Variants in ACADM observed in about 807,000 individuals in gnomAD.
The protein encoded by ACADM is acyl-CoA dehydrogenase medium chain.
ACADM carries 49 observed loss-of-function variants against 58.9 expected under a neutral mutation model. The ratio of observed to expected loss-of-function variants is 0.83; its 90% CI spans 0.66 to 1.06. The LOEUF (loss-of-function observed/expected upper bound fraction) is 1.06. Ranked by LOEUF, ACADM falls within the 50% of genes least tolerant of loss-of-function variation. ACADM has a pLI of 0.00. For missense variants in ACADM, 496 were observed against 507.0 expected, an observed-to-expected ratio of 0.98 and a Z score of 0.21; for synonymous variants, 160 against 157.7, an observed-to-expected ratio of 1.01 and a Z score of -0.11.
At chr1:75,725,651 C>G (rs780724827) in intron 1 of ACADM, among the ~76,000 whole-genome samples, 9 of 152,140 alleles carry the variant, frequency 5.9e-5, no homozygotes, top group African/African-American at 1.7e-4. Flanking sequence ...ATAAAACTGA[C>G]ACTCTTATAT....
intron 10 of ACADM, 82 bp from the exon 11 acceptor site, chr1:75,761,040 C>T: frequency 2.2e-6 from 3 of 1,376,214 alleles, no homozygotes; most frequent in Non-Finnish European, 2.0e-6. Context: ...GACCCCGTCA[C>T]TATAAAAATG....
intron 6 of ACADM, among the ~76,000 whole-genome samples, chr1:75,737,351 A>G (rs1288701032): frequency 1.4e-5 from 2 of 142,796 alleles, no homozygotes; most frequent in African/African-American, 2.6e-5. Context: ...AGAAAAGAAG[A>G]CAAAAACAAC....
chr1:75,725,528 A>G (rs1647038974), intron 1 of ACADM, among the ~76,000 whole-genome samples: 2 of 152,196 alleles, frequency 1.3e-5, no homozygotes, highest in Admixed American at 6.5e-5. Flanking sequence ...AAATTGGGAG[A>G]TTTCAGCTAT....
At chr1:75,744,482 C>G (rs1221792067) in intron 7 of ACADM, 1 of 1,534,158 alleles carries the variant, frequency 6.5e-7, no homozygotes, top group Admixed American at 1.7e-5. Flanking sequence ...ACTTCATCTT[C>G]TGCAACTGTG....
rs1463718964 is a variant in ACADM at position 75,732,906 on chromosome 1, CATT to C, written c.271_273del (p.Ile91del). ...GGGAACTTGGTTTAATGAACACACA[CATT>C]CCAGAGAACTGTGGTAAGCTTTCTT... On this transcript the variant is annotated inframe_deletion, in exon 4 of 12. Transcript: ENST00000370841. 2 of 1,613,860 alleles carry C rather than the reference CATT, an allele frequency of 1.2e-6. No homozygotes were observed. The highest frequency in any genetic ancestry group is 2.7e-5 in the African/African-American group (2 of 74,940).
chr1:75,760,119 A>G (rs915842631), intron 10 of ACADM, among the ~76,000 whole-genome samples: 8 of 151,434 alleles, frequency 5.3e-5, no homozygotes, highest in African/African-American at 1.9e-4. Flanking sequence ...CCTCATCTCT[A>G]TTTAAAAAGA....
At chr1:75,733,224 T>C in intron 4 of ACADM, 1 of 1,561,702 alleles carries the variant, frequency 6.4e-7, no homozygotes, top group Non-Finnish European at 8.7e-7. Flanking sequence ...TATTGAGTCT[T>C]TTTTGTGAAC....
intron 6 of ACADM, among the ~76,000 whole-genome samples, chr1:75,735,143 C>G (rs1647220734): frequency 6.6e-6 from 1 of 151,634 alleles, no homozygotes; most frequent in Non-Finnish European, 1.5e-5. Context: ...TGGTGAAACC[C>G]CATCTCTACT....
At chr1:75,729,314 A>T (rs1647107711) in intron 2 of ACADM, among the ~76,000 whole-genome samples, 1 of 70,756 alleles carries the variant, frequency 1.4e-5, no homozygotes, top group African/African-American at 6.4e-5. Context: ...TTTTTTTTTA[A>T]GATGAGGTTT....
chr1:75,753,055 A>G (rs1648291714), intron 10 of ACADM, among the ~76,000 whole-genome samples: 1 of 152,206 alleles, frequency 6.6e-6, no homozygotes, highest in African/African-American at 2.4e-5. Context: ...TCTGGGCAAC[A>G]GTGTGAGACC....
At chr1:75,733,858 C>T (rs557001920) in intron 5 of ACADM, among the ~76,000 whole-genome samples, 3 of 152,318 alleles carry the variant, frequency 2.0e-5, no homozygotes, top group Non-Finnish European at 4.4e-5. Context: ...ACTCGGAGTT[C>T]TGACTGTCCT....
rs1475178306 is a variant in ACADM at position 75,724,727 on chromosome 1, G to C, written c.-61G>C. On this transcript the variant is annotated 5_prime_UTR_variant, in exon 1 of 12. Transcript: ENST00000370841. ...CGGGACCAGAGGAGTCCCGCGTTCG[G>C]GGAGTATGTCAAGGCCGTGACCCGT... 7 of 1,537,942 alleles carry C rather than the reference G, an allele frequency of 4.6e-6. No homozygotes were observed. The highest frequency in any genetic ancestry group is 1.2e-5 in the South Asian group (1 of 83,184).
chr1:75,727,517 A>C (rs1259571475), intron 1 of ACADM, among the ~76,000 whole-genome samples: 2 of 152,214 alleles, frequency 1.3e-5, no homozygotes, highest in Non-Finnish European at 2.9e-5. Context: ...AGCTTTAATA[A>C]ATGCAAATTT....
chr1:75,750,396 T>C, intron 9 of ACADM, 55 bp from the exon 10 acceptor site: 1 of 1,374,780 alleles, frequency 7.3e-7, no homozygotes, highest in South Asian at 1.2e-5. Flanking sequence ...TAGGCAGATA[T>C]TGTGTGTTTT....
intron 5 of ACADM, among the ~76,000 whole-genome samples, chr1:75,734,179 TTTGA>T (rs1211138922): frequency 6.9e-6 from 1 of 145,364 alleles, no homozygotes; most frequent in African/African-American, 2.6e-5. Flanking sequence ...TTTTTTTTTT[TTTGA>T]GACGGAGTCT....
intron 10 of ACADM, among the ~76,000 whole-genome samples, chr1:75,757,315 A>G (rs1459573626): frequency 1.3e-5 from 2 of 152,244 alleles, no homozygotes; most frequent in Non-Finnish European, 2.9e-5. Context: ...CCCATCTGAC[A>G]AAGGGCTAAT....
intron 6 of ACADM, 59 bp from the exon 7 acceptor site, chr1:75,739,921 A>G: frequency 7.7e-7 from 1 of 1,296,660 alleles, no homozygotes; most frequent in Non-Finnish European, 1.1e-6. Flanking sequence ...CTGTTTCCAA[A>G]CAGTCAAAAT....
In ACADM at chr1:75,762,734, C is replaced by A. The variant is rs139686925; in HGVS notation, c.1237C>A (p.Arg413Ser). 1.4e-5 allele frequency: 22 copies of A among 1,606,746 alleles called. No individual in the cohort carries two copies. Among genetic ancestry groups the A allele is most frequent in the East Asian group, 2.2e-5 (1 of 44,676 alleles). The change falls in exon 12 of 12, where the codon CGT becomes AGT. Residue 413 changes from arginine to serine, a missense_variant. Physicochemically the swap from Arg to Ser is moderately radical, Grantham distance 110. Coordinates refer to ENST00000370841, the MANE Select transcript of ACADM (RefSeq NM_000016.6). ...TSQIQRLIVA[R>S]EHIDKYKN ...ACAAATTCAAAGACTTATTGTAGCC[C>A]GTGAACACATTGACAAGTACAAAAA... is the stretch of plus-strand genomic sequence containing the variant.
chr1:75,726,005 TTAAC>T, intron 1 of ACADM, among the ~76,000 whole-genome samples: 1 of 152,368 alleles, frequency 6.6e-6, no homozygotes, highest in South Asian at 2.1e-4. Context: ...TGTTATGTAA[TTAAC>T]AGGTTGATGG....
Sources: allele counts gnomAD v4.1 joint callset (sites outside exome capture counted in the v4.1 genomes callset), GRCh38; gene constraint gnomAD v4.1.1; transcripts MANE v1.5; gene names NCBI Gene and HGNC (gene_info 2026-07-23, HGNC 2026-07-21).